Variants in TRIP11 observed in about 807,000 individuals in gnomAD.
TRIP11 encodes the protein thyroid receptor-interacting protein 11.
TRIP11 carries 148 observed loss-of-function variants against 223.1 expected under a neutral mutation model. The observed-to-expected ratio is 0.66, with a 90% CI of 0.58 to 0.76. The LOEUF is 0.76. Among genes scored for constraint, TRIP11 ranks in the 30% least tolerant of loss-of-function variants. The probability of loss-of-function intolerance (pLI) is 0.00; values close to 1 mark genes in which losing one functional copy is unlikely to be tolerated. For missense variants in TRIP11, 2,043 were observed against 2,222.0 expected (o/e 0.92, Z 1.62); for synonymous variants, 762 against 772.6 (o/e 0.99, Z 0.23).
chr14:92,002,937 C>T (rs4575474), intron 11 of TRIP11, among the ~76,000 whole-genome samples: 1 of 151,828 alleles, frequency 6.6e-6, no homozygotes, highest in Non-Finnish European at 1.5e-5. Context: ...TCTGGTTCCT[C>T]AAACTTTTCA....
At chr14:92,011,666 CTT>C in intron 8 of TRIP11, 87 bp downstream of exon 8, 1 of 1,052,378 alleles carries the variant, frequency 9.5e-7, no homozygotes, top group Non-Finnish European at 1.4e-6. Context: ...CTTTGAATCT[CTT>C]AAGGAAAATT....
chr14:91,997,881 G>A (rs2056770816), intron 13 of TRIP11, among the ~76,000 whole-genome samples: 1 of 152,122 alleles, frequency 6.6e-6, no homozygotes, highest in East Asian at 1.9e-4. Flanking sequence ...GCAGAGACTA[G>A]AAACTATTTT....
rs2056375884 is a variant in TRIP11, at chr14:91,969,611, T to A, written c.*62A>T. 6.6e-7 allele frequency: 1 copy of A among 1,524,214 alleles called. No homozygotes were observed. The allele number at this position is 1,524,214 out of a possible 1,614,324, so 94.4% of individuals were successfully genotyped here. A position where few individuals can be genotyped will look rare whatever the true frequency, so the allele number is the denominator to read the frequency against. On this transcript the variant is annotated 3_prime_UTR_variant, in exon 21 of 21. Transcript: ENST00000267622. ...CCCCAAAGGCCACTTTGTGATAAAG[T>A]ACATACATATAGTGTTCATGGTTTC...
chr14:91,988,337 A>G lies in TRIP11; in HGVS notation c.5207T>C (p.Leu1736Pro). 1 of 1,613,896 alleles carries G rather than the reference A, an allele frequency of 6.2e-7. No homozygotes were observed. The highest frequency in any genetic ancestry group is 8.5e-7 in the Non-Finnish European group (1 of 1,179,936). The change falls in exon 16 of 21, where the codon CTT becomes CCT. Residue 1736 changes from leucine to proline, a missense_variant. Physicochemically the swap from Leu to Pro is moderately conservative, Grantham distance 98. Coordinates refer to ENST00000267622, the MANE Select transcript of TRIP11 (RefSeq NM_004239.4). ...TTCTTTTACATCTAACTGTTCTGTA[A>G]GTCTTGATGCTGAATCCAATGCAGC... ...ANAALDSASRLTEQLDVKEEQ... is the reference protein window; with the variant it reads ...ANAALDSASRPTEQLDVKEEQ...
In TRIP11 at chr14:92,021,537, C is replaced by A. The variant is rs1201184606; in HGVS notation, c.588+19G>T. ...ATTTTACTCAAAGTTTTCAAAAACTCTAAAAAATTTTTATCTACCTGAGCA... is the reference window on the plus strand; with the variant it reads ...ATTTTACTCAAAGTTTTCAAAAACTATAAAAAATTTTTATCTACCTGAGCA... On this transcript the variant is annotated intron_variant, in intron 4 of 20. Coordinates refer to ENST00000267622, the MANE Select transcript of TRIP11 (RefSeq NM_004239.4). 1 of 1,613,094 alleles carries A rather than the reference C, an allele frequency of 6.2e-7. No individual in the cohort carries two copies. Among genetic ancestry groups the A allele is most frequent in the Non-Finnish European group, 8.5e-7 (1 of 1,179,852 alleles).
chr14:91,984,021 T>C (rs909036913), intron 16 of TRIP11, among the ~76,000 whole-genome samples: 1 of 152,168 alleles, frequency 6.6e-6, no homozygotes, highest in African/African-American at 2.4e-5. Context: ...TCTTCTAGAT[T>C]TTCTTTTAAA....
At chr14:92,033,099 C>T (rs2057286446) in intron 2 of TRIP11, 93 bp downstream of exon 2, 1 of 941,856 alleles carries the variant, frequency 1.1e-6, no homozygotes, top group Non-Finnish European at 1.7e-6. Context: ...AAGTGCTAAG[C>T]AGTACATTTA....
chr14:92,016,141 C>T (rs936808762), intron 5 of TRIP11, among the ~76,000 whole-genome samples: 5 of 152,318 alleles, frequency 3.3e-5, no homozygotes, highest in African/African-American at 1.2e-4. Flanking sequence ...TCCTTAATAT[C>T]TGTGACCATG....
intron 7 of TRIP11, among the ~76,000 whole-genome samples, chr14:92,013,624 G>C (rs183601317): frequency 6.6e-6 from 1 of 152,272 alleles, no homozygotes; most frequent in Admixed American, 6.5e-5. Flanking sequence ...CAGTGGGTTT[G>C]TCTTTTAAGC....
intron 13 of TRIP11, among the ~76,000 whole-genome samples, chr14:91,996,097 T>C (rs541005796): frequency 6.6e-6 from 1 of 152,224 alleles, no homozygotes; most frequent in South Asian, 2.1e-4. Context: ...CCACCATCCA[T>C]CTCCAGAACT....
At chr14:92,028,378 A>G (rs934625076) in intron 2 of TRIP11, among the ~76,000 whole-genome samples, 10 of 151,968 alleles carry the variant, frequency 6.6e-5, no homozygotes, top group African/African-American at 2.4e-4. Context: ...TGGGCAACAT[A>G]AGGAACAAAA....
chr14:92,029,309 T>TTTTTTTTTA (rs1385592807), intron 2 of TRIP11, among the ~76,000 whole-genome samples: 1 of 86,894 alleles, frequency 1.2e-5, no homozygotes, highest in African/African-American at 4.2e-5. Flanking sequence ...TTTTTTTTTT[T>TTTTTTTTTA]TTTTGAGATG....
chr14:92,004,103 A>G lies in TRIP11; in HGVS notation c.3873T>C (p.Val1291=), dbSNP rs368770170. Residue 1291 remains valine, a synonymous_variant, in exon 11 of 21, where the codon GTT becomes GTC. Transcript: ENST00000267622. ...LKNFGQELAQ[V]QHSIGQLCNT... ...TGCAAAGCTGCCCAATGCTGTGCTG[A>G]ACTTGTGCTAATTCCTGCCCAAAAT... 1.9e-6 allele frequency: 3 copies of G among 1,614,092 alleles called. No homozygotes were observed. Among genetic ancestry groups the G allele is most frequent in the African/African-American group, 1.3e-5 (1 of 74,938 alleles).
rs149562813 is a variant in TRIP11 at position 92,004,894 on chromosome 14, G to C, written c.3082C>G (p.Arg1028Gly). 1 of 1,613,748 alleles carries C rather than the reference G, an allele frequency of 6.2e-7. No individual in the cohort carries two copies. The highest frequency in any genetic ancestry group is 1.7e-5 in the Admixed American group (1 of 59,994). Residue 1028 changes from arginine (R) to glycine (G), a missense_variant, in exon 11 of 21, where the codon CGA (arginine) becomes GGA (glycine). By Grantham distance (125) the Arg-to-Gly change is moderately radical. Transcript: ENST00000267622. ...TERLVKGIKE[R>G]ELEIKLLNEK... ...TTTAGAAGTTTAATCTCCAGTTCTCGCTCTTTTATTCCTTTCACTAATCTT... is the reference window on the plus strand; with the variant it reads ...TTTAGAAGTTTAATCTCCAGTTCTCCCTCTTTTATTCCTTTCACTAATCTT...
In TRIP11 at chr14:91,967,283, C is replaced by T. The variant is rs531852799; in HGVS notation, c.*2390G>A. ...CCTCCTGAGTAGCTGGGATTATAGG[C>T]GCCTGCCACCATGCCCAGCTAATTT... is the stretch of plus-strand genomic sequence containing the variant. On this transcript the variant is annotated 3_prime_UTR_variant, in exon 21 of 21. Transcript: ENST00000267622. The T allele has an allele frequency of 6.9e-5, 12 of 174,156 alleles. No individual in the cohort carries two copies. The highest frequency in any genetic ancestry group is 6.0e-4 in the East Asian group (6 of 9,944). 10.8% of individuals were successfully genotyped at this position (174,156 alleles called of 1,614,324 possible).
At position 92,040,000 on chromosome 14, in the gene TRIP11, T is replaced by G; in HGVS notation, c.-315A>C. The G allele has an allele frequency of 2.2e-6, 1 of 461,704 alleles. No individual in the cohort carries two copies. Among genetic ancestry groups the G allele is most frequent in the Non-Finnish European group, 4.0e-6 (1 of 250,116 alleles). The allele number at this position is 461,704 out of a possible 1,614,324, so 28.6% of individuals were successfully genotyped here. Reference sequence around the variant, plus strand: ...TAATGACTTTCCTCAGTTCCGTGGGTTACTCCTGCCAACTCGACGCCGGCC... The same window carrying G: ...TAATGACTTTCCTCAGTTCCGTGGGGTACTCCTGCCAACTCGACGCCGGCC... On this transcript the variant is annotated 5_prime_UTR_variant, in exon 1 of 21. Transcript: ENST00000267622.
intron 4 of TRIP11, among the ~76,000 whole-genome samples, chr14:92,018,842 T>C (rs1375548062): frequency 6.6e-6 from 1 of 151,244 alleles, no homozygotes. Flanking sequence ...GTGCCCGTAG[T>C]CCCAGCTACT....
intron 19 of TRIP11, among the ~76,000 whole-genome samples, chr14:91,974,298 C>T (rs896538256): frequency 6.6e-5 from 10 of 152,192 alleles, no homozygotes; most frequent in Admixed American, 6.5e-5. Context: ...TTGGAACATA[C>T]ATAGACGAAT....
In TRIP11 at chr14:92,011,769, T is replaced by A; in HGVS notation, c.1213A>T (p.Ser405Cys). ...SDAENEIMRL[S>C]SLNQDNSLAE... ...AATTAATTTACCTGGTTTAAACTACTCAATCTCATTATTTCATTTTCGGCA... is the reference window on the plus strand; with the variant it reads ...AATTAATTTACCTGGTTTAAACTACACAATCTCATTATTTCATTTTCGGCA... Residue 405 changes from serine (S) to cysteine (C), a missense_variant, in exon 8 of 21, where the codon AGT becomes TGT. Transcript: ENST00000267622. 2 of 1,612,044 alleles carry A rather than the reference T, an allele frequency of 1.2e-6. No individual in the cohort carries two copies. Among genetic ancestry groups the A allele is most frequent in the Non-Finnish European group, 1.7e-6 (2 of 1,179,370 alleles).
Sources: gnomAD v4.1 joint callset for allele counts (sites outside exome capture counted in the v4.1 genomes callset) on GRCh38, gnomAD v4.1.1 for gene constraint, MANE v1.5 for transcripts, NCBI Gene and HGNC (gene_info 2026-07-23, HGNC 2026-07-21) for gene names.